Variants in ZNF346 observed in about 807,000 individuals in gnomAD.
ZNF346 encodes the protein zinc finger protein 346.
In ZNF346, 23 loss-of-function variants were observed where a neutral mutation model predicts 33.7. The ratio of observed to expected loss-of-function variants is 0.68; its 90% CI spans 0.49 to 0.97. The LOEUF is 0.97. Ranked by LOEUF, ZNF346 falls within the 50% of genes least tolerant of loss-of-function variation. The pLI is 0.00. For missense variants in ZNF346, 340 were observed against 371.1 expected (o/e 0.92, Z 0.69); for synonymous variants, 134 against 142.4 (o/e 0.94, Z 0.42).
At chr5:177,075,211 C>T (rs1196843438) in intron 8 of ZNF346, among the ~76,000 whole-genome samples, 1 of 150,214 alleles carries the variant, frequency 6.7e-6, no homozygotes, top group Non-Finnish European at 1.5e-5. Context: ...CCAGCCTGGA[C>T]AACATGGTGA....
intron 1 of ZNF346, among the ~76,000 whole-genome samples, chr5:177,025,361 T>C (rs1468926020): frequency 6.6e-6 from 1 of 150,920 alleles, no homozygotes; most frequent in Non-Finnish European, 1.5e-5. Context: ...ATAGTGCTGC[T>C]GCGAACATTC....
chr5:177,044,283 T>C (rs58095821), intron 3 of ZNF346, 106 bp from the exon 4 acceptor site: 220,688 of 1,271,606 alleles, frequency 0.17, 20,357 homozygotes, highest in Non-Finnish European at 0.19. Flanking sequence ...GGTTAATGTG[T>C]GAGGGGGGCC....
chr5:177,050,840 C>T lies in ZNF346; in HGVS notation c.607C>T (p.His203Tyr), dbSNP rs1780761204. 6.2e-7 allele frequency: 1 copy of T among 1,614,198 alleles called. No individual in the cohort carries two copies. The highest frequency in any genetic ancestry group is 2.2e-5 in the East Asian group (1 of 44,882). Residue 203 changes from histidine to tyrosine, a missense_variant, in exon 5 of 7, where the codon CAT becomes TAT. His to Tyr is a moderately conservative substitution (Grantham distance 83, BLOSUM62 2). Coordinates refer to ENST00000358149, the MANE Select transcript of ZNF346 (RefSeq NM_012279.4). ...CAACGACCCTGTCATGGCTCAACAA[C>T]ATTATGTGGGCAAGAAACACAGAAA... Reference protein sequence around the residue: ...TFNDPVMAQQHYVGKKHRKQE... With the variant: ...TFNDPVMAQQYYVGKKHRKQE...
At position 177,050,955 on chromosome 5, in the gene ZNF346, C is replaced by T. The variant is rs778899898; in HGVS notation, c.703+19C>T. On this transcript the variant is annotated intron_variant, in intron 5 of 6. Coordinates refer to ENST00000358149, the MANE Select transcript of ZNF346 (RefSeq NM_012279.4). ...TTTCCAGGTGAGGGGGCCTAGCTCA[C>T]ACCCAGAGCTGGACCAGGGTTTGGC... 6.2e-7 allele frequency: 1 copy of T among 1,600,900 alleles called. No homozygotes were observed. The highest frequency in any genetic ancestry group is 8.6e-7 in the Non-Finnish European group (1 of 1,168,132).
intron 3 of ZNF346, among the ~76,000 whole-genome samples, chr5:177,043,152 G>A (rs966795189): frequency 5.9e-5 from 9 of 151,840 alleles, no homozygotes; most frequent in South Asian, 2.1e-4. Flanking sequence ...GCGCCCAGCC[G>A]CCTGGCTGAT....
At chr5:177,078,574 C>G (rs913562394) in intron 8 of ZNF346, among the ~76,000 whole-genome samples, 1 of 151,780 alleles carries the variant, frequency 6.6e-6, no homozygotes, top group Non-Finnish European at 1.5e-5. Flanking sequence ...GCGAGCCTAA[C>G]AGTTGAAATC....
At chr5:177,062,202 T>G (rs759385855) in intron 6 of ZNF346, 51 bp downstream of exon 6, 4 of 1,499,126 alleles carry the variant, frequency 2.7e-6, no homozygotes, top group Non-Finnish European at 2.8e-6. Flanking sequence ...AGCTCAGGAC[T>G]TCTGCATCAG....
At position 177,038,876 on chromosome 5, in the gene ZNF346, T is replaced by TGTGTG. The variant is rs1554145941; in HGVS notation, c.176-2250_176-2249insGTGTG. On this transcript the variant is annotated intron_variant, in intron 1 of 6. Coordinates refer to ENST00000358149, the MANE Select transcript of ZNF346 (RefSeq NM_012279.4). Reference sequence around the variant, plus strand: ...TTTTTCTTCTTTTTTCTTCTTCTTCTTGTGTGTGTGTGTGTGTGTGTGTGT... The same window carrying TGTGTG: ...TTTTTCTTCTTTTTTCTTCTTCTTCTGTGTGTGTGTGTGTGTGTGTGTGTGTGTGT... 3.0e-3 allele frequency among the ~76,000 whole-genome samples: 410 copies of TGTGTG among 135,448 alleles called. 5 individuals carry two copies. Among genetic ancestry groups the TGTGTG allele is most frequent in the African/African-American group, 9.9e-3 (353 of 35,594 alleles). The allele number at this position is 135,448 out of a possible 152,430, so 88.9% of individuals were successfully genotyped here. A position where few individuals can be genotyped will look rare whatever the true frequency, so the allele number is the denominator to read the frequency against.
chr5:177,043,630 G>A lies in ZNF346; in HGVS notation c.373-759G>A, dbSNP rs545913043. ...AAAATACAAAAATTAGCCGGGTGTG[G>A]TGGCATATTCCTGTAGTCTGGCTAC... On this transcript the variant is annotated intron_variant, in intron 3 of 6. Transcript: ENST00000358149. Among the ~76,000 whole-genome samples, 9 of 152,192 alleles carry A rather than the reference G, an allele frequency of 5.9e-5. No homozygotes were observed. The South Asian group carries it at 1.7e-3, about 28-fold the overall frequency.
At chr5:177,078,560 T>A (rs1395262365) in intron 8 of ZNF346, among the ~76,000 whole-genome samples, 1 of 152,168 alleles carries the variant, frequency 6.6e-6, no homozygotes. Flanking sequence ...GGCAGGAGGA[T>A]CCTGCGAGCC....
At chr5:177,029,391 T>C (rs373656510) in intron 1 of ZNF346, among the ~76,000 whole-genome samples, 1 of 152,178 alleles carries the variant, frequency 6.6e-6, no homozygotes, top group African/African-American at 2.4e-5. Context: ...CGTATGTATC[T>C]CTTTATCTAT....
At chr5:177,059,896 CTG>C (rs752698772) in intron 5 of ZNF346, among the ~76,000 whole-genome samples, 13 of 152,282 alleles carry the variant, frequency 8.5e-5, no homozygotes, top group Non-Finnish European at 1.8e-4. Context: ...ACAGTTACAA[CTG>C]TGACAAACTT....
intron 6 of ZNF346, among the ~76,000 whole-genome samples, chr5:177,062,581 ACAGACCCAGTCTCTGCTCTC>A (rs1275779095): frequency 7.4e-5 from 11 of 148,766 alleles, no homozygotes; most frequent in Admixed American, 6.6e-4. Context: ...GATGGCCAAG[ACAGACCCAGTCTCTGCTCTC>A]CTGACCTTAC....
intron 5 of ZNF346, among the ~76,000 whole-genome samples, chr5:177,055,842 G>A (rs1013292255): frequency 6.6e-6 from 1 of 152,018 alleles, no homozygotes; most frequent in East Asian, 1.9e-4. Flanking sequence ...TTGGGAGGCC[G>A]AGGCAGGCAG....
At chr5:177,023,354 A>AG (rs1776174072) in intron 1 of ZNF346, 1 of 771,690 alleles carries the variant, frequency 1.3e-6, no homozygotes, top group Admixed American at 2.1e-5. Context: ...GGGCTCTGGA[A>AG]GGCCTTCTCC....
At position 177,077,771 on chromosome 5, in the gene ZNF346, GAA is replaced by G. The variant is rs1258493230; in HGVS notation, c.*3-1608_*3-1607del. Among the ~76,000 whole-genome samples the G allele has an allele frequency of 6.6e-6, 1 of 152,166 alleles. No homozygotes were observed. The highest frequency in any genetic ancestry group is 1.5e-5 in the Non-Finnish European group (1 of 68,034). On this transcript the variant is annotated intron_variant, in intron 8 of 8. Transcript: ENST00000503039. The surrounding 1 kb of genome is among the most constrained non-coding windows in gnomAD (Gnocchi z 5.0). ...TAGTAGGGGAGGACCACGACATCAAGAAAAGTTTGAGGGGTCGTTACCAGAGA... is the reference window on the plus strand; with the variant it reads ...TAGTAGGGGAGGACCACGACATCAAGAAGTTTGAGGGGTCGTTACCAGAGA...
At chr5:177,030,928 G>GT (rs1240911635) in intron 1 of ZNF346, among the ~76,000 whole-genome samples, 171 of 121,926 alleles carry the variant, frequency 1.4e-3, no homozygotes, top group African/African-American at 9.4e-4. Context: ...TTTTTTTTTG[G>GT]TTTTTTTTTG....
downstream of ZNF346, among the ~76,000 whole-genome samples, chr5:177,072,075 T>C (rs907768631): frequency 5.3e-5 from 8 of 152,336 alleles, no homozygotes; most frequent in Non-Finnish European, 1.0e-4. Context: ...CTTTACTGTT[T>C]GATTTAATGG....
In ZNF346 at chr5:177,050,766, G is replaced by A; in HGVS notation, c.533G>A (p.Arg178Lys). Reference protein sequence around the residue: ...STKVEALHQNREMIDPDKFCS... With the variant: ...STKVEALHQNKEMIDPDKFCS... Reference sequence around the variant, plus strand: ...TCCACCTTAGCCTTGCACCAGAATAGAGAGATGATAGACCCAGACAAGTTC... The same window carrying A: ...TCCACCTTAGCCTTGCACCAGAATAAAGAGATGATAGACCCAGACAAGTTC... Residue 178 changes from arginine (R) to lysine (K), a missense_variant, in exon 5 of 7, where the codon AGA (arginine) becomes AAA (lysine). Transcript: ENST00000358149. 2 of 1,614,168 alleles carry A rather than the reference G, an allele frequency of 1.2e-6. No homozygotes were observed. Among genetic ancestry groups the A allele is most frequent in the Non-Finnish European group, 1.7e-6 (2 of 1,180,030 alleles).
Sources: allele counts gnomAD v4.1 joint callset (sites outside exome capture counted in the v4.1 genomes callset), GRCh38; gene constraint gnomAD v4.1.1; non-coding constraint Gnocchi (gnomAD v3.1); transcripts MANE v1.5; gene names NCBI Gene and HGNC (gene_info 2026-07-23, HGNC 2026-07-21).